The following LPIN1 variants were observed in gnomAD, a reference collection of about 807,000 sequenced individuals.
LPIN1 encodes the protein lipin 1.
Under a neutral mutation model 107.5 loss-of-function variants are expected in LPIN1, and 71 were observed. That is an observed-to-expected ratio of 0.66 (90% CI 0.55 to 0.80). LPIN1 has a LOEUF of 0.80. Among genes scored for constraint, LPIN1 ranks in the 30% least tolerant of loss-of-function variants. The probability of loss-of-function intolerance (pLI) is 0.00; values close to 1 mark genes in which losing one functional copy is unlikely to be tolerated. For missense variants in LPIN1, 1,043 were observed against 1,160.6 expected, an observed-to-expected ratio of 0.90 and a Z score of 1.47; for synonymous variants, 445 against 452.6, an observed-to-expected ratio of 0.98 and a Z score of 0.21.
At chr2:11,773,872 T>G in intron 5 of LPIN1, 127 bp downstream of exon 5, 3 of 1,068,296 alleles carry the variant, frequency 2.8e-6, no homozygotes, top group Non-Finnish European at 2.8e-6. Flanking sequence ...AAACACGGTG[T>G]AGAGTCGGAG....
chr2:11,788,878 A>C (rs1181150177), intron 12 of LPIN1, among the ~76,000 whole-genome samples: 1 of 152,206 alleles, frequency 6.6e-6, no homozygotes, highest in Non-Finnish European at 1.5e-5. Context: ...CTGCTCAGCC[A>C]GGAAGCCAGC....
chr2:11,719,103 T>C (rs895898296), intron 2 of LPIN1, among the ~76,000 whole-genome samples: 2 of 152,230 alleles, frequency 1.3e-5, no homozygotes, highest in Non-Finnish European at 2.9e-5. Context: ...TTATTCTGTT[T>C]TTGTTTTATG....
chr2:11,798,551 T>A (rs761364375), intron 14 of LPIN1, among the ~76,000 whole-genome samples: 2 of 152,092 alleles, frequency 1.3e-5, no homozygotes, highest in Non-Finnish European at 2.9e-5. Context: ...CATATTCAAA[T>A]GGGGCAAAAA....
Position 11,765,828 on chromosome 2 carries a change from G to A in LPIN1, c.192+95G>A. On this transcript the variant is annotated intron_variant, in intron 2 of 20. Transcript: ENST00000674199. This position sits in a 1 kb window ranked among gnomAD's most constrained non-coding sequence, Gnocchi z 4.4. ...CACCTGTCTTGAACTCTCAGACCCA[G>A]AGTTTTAGGTCTTCGTTGGAAATGG... The A allele has an allele frequency of 2.7e-6, 3 of 1,106,522 alleles. No individual in the cohort carries two copies. The highest frequency in any genetic ancestry group is 3.9e-6 in the Non-Finnish European group (3 of 773,016). The allele number at this position is 1,106,522 out of a possible 1,614,324, so 68.5% of individuals were successfully genotyped here.
chr2:11,681,754 C>G (rs907083793), intron 1 of LPIN1, among the ~76,000 whole-genome samples: 5 of 152,166 alleles, frequency 3.3e-5, no homozygotes, highest in East Asian at 1.9e-4. Flanking sequence ...TTTGTCACCT[C>G]CAGTCCATGT....
chr2:11,717,819 C>G (rs1572387190), intron 2 of LPIN1, among the ~76,000 whole-genome samples: 1 of 152,174 alleles, frequency 6.6e-6, no homozygotes, highest in Admixed American at 6.5e-5. Flanking sequence ...GAGGCTGAGT[C>G]ATTTGCTCAA....
At position 11,798,360 on chromosome 2, in the gene LPIN1, G is replaced by A. The variant is rs147968824; in HGVS notation, c.1886+2873G>A. Among the ~76,000 whole-genome samples the A allele has an allele frequency of 6.6e-3, 1,003 of 152,280 alleles. 39 individuals are homozygous for A. Among genetic ancestry groups the A allele is most frequent in the Admixed American group, 0.049 (751 of 15,300 alleles). On this transcript the variant is annotated intron_variant, in intron 14 of 20. Coordinates refer to ENST00000674199, the MANE Select transcript of LPIN1 (RefSeq NM_001349206.2). ...CAACTGGGAGGGGCCCGTACACAGT[G>A]GGCACAGTGGCATTGCTGGTGCCAG...
upstream of LPIN1, among the ~76,000 whole-genome samples, chr2:11,744,071 A>G (rs1666638824): frequency 6.6e-6 from 1 of 152,196 alleles, no homozygotes; most frequent in Non-Finnish European, 1.5e-5. Context: ...CCTGCAGCCC[A>G]TTTCCTGGAT....
At chr2:11,797,478 C>T (rs996928792) in intron 14 of LPIN1, among the ~76,000 whole-genome samples, 4 of 152,188 alleles carry the variant, frequency 2.6e-5, no homozygotes, top group African/African-American at 9.7e-5. Context: ...TCCATCCTGC[C>T]CTCTGGCAGT....
chr2:11,734,861 T>C (rs569651129), intron 1 of LPIN1, among the ~76,000 whole-genome samples: 1 of 152,228 alleles, frequency 6.6e-6, no homozygotes, highest in East Asian at 1.9e-4. Context: ...CTTTCCCTTA[T>C]TGCATGAGAG....
intron 18 of LPIN1, chr2:11,817,452 C>T (rs1680758885): frequency 6.6e-6 from 1 of 152,186 alleles, no homozygotes; most frequent in Admixed American, 6.5e-5. Flanking sequence ...TTGTGTATTA[C>T]CAAAGTCTTC....
At chr2:11,752,284 T>C (rs556053781) in intron 1 of LPIN1, among the ~76,000 whole-genome samples, 1 of 152,296 alleles carries the variant, frequency 6.6e-6, no homozygotes, top group African/African-American at 2.4e-5. Flanking sequence ...TTTAATGAAA[T>C]GCTTTGATTT....
In LPIN1 at chr2:11,765,846, G is replaced by A; in HGVS notation, c.192+113G>A. 2 of 886,572 alleles carry A rather than the reference G, an allele frequency of 2.3e-6. No individual in the cohort carries two copies. The highest frequency in any genetic ancestry group is 3.4e-6 in the Non-Finnish European group (2 of 585,406). The allele number at this position is 886,572 out of a possible 1,614,324, so 54.9% of individuals were successfully genotyped here. A position where few individuals can be genotyped will look rare whatever the true frequency, so the allele number is the denominator to read the frequency against. On this transcript the variant is annotated intron_variant, in intron 2 of 20. Transcript: ENST00000674199. The surrounding 1 kb of genome is among the most constrained non-coding windows in gnomAD (Gnocchi z 4.4). The stretch of plus-strand genomic sequence containing the variant: ...AGACCCAGAGTTTTAGGTCTTCGTT[G>A]GAAATGGCCAGTCACGGAACTGACA...
chr2:11,759,844 G>T, intron 1 of LPIN1, among the ~76,000 whole-genome samples: 2 of 151,882 alleles, frequency 1.3e-5, no homozygotes, highest in South Asian at 4.1e-4. Context: ...GGACGGGGCG[G>T]CTGGCCGGGC....
At chr2:11,795,960 G>A (rs1406121120) in intron 14 of LPIN1, among the ~76,000 whole-genome samples, 1 of 152,196 alleles carries the variant, frequency 6.6e-6, no homozygotes, top group Non-Finnish European at 1.5e-5. Flanking sequence ...CATAGGAGAG[G>A]TTAGATTTTG....
chr2:11,808,520 G>C (rs540884718), intron 17 of LPIN1, among the ~76,000 whole-genome samples: 2 of 152,258 alleles, frequency 1.3e-5, no homozygotes, highest in East Asian at 3.9e-4. Context: ...TCCTGATTTT[G>C]CTTCCCTTAA....
upstream of LPIN1, chr2:11,677,547 G>A (rs1015166500): frequency 1.2e-6 from 1 of 862,780 alleles, no homozygotes; most frequent in African/African-American, 1.6e-5. Flanking sequence ...AGGCTCCAGT[G>A]TCACCCAGCC....
At chr2:11,807,678 C>G (rs1386894553) in intron 17 of LPIN1, among the ~76,000 whole-genome samples, 2 of 152,082 alleles carry the variant, frequency 1.3e-5, no homozygotes, top group Non-Finnish European at 2.9e-5. Flanking sequence ...GCAGATACTG[C>G]CCGGAGCATG....
intron 1 of LPIN1, chr2:11,683,153 T>C (rs935146927): frequency 2.6e-5 from 4 of 152,172 alleles, no homozygotes; most frequent in Non-Finnish European, 5.9e-5. Context: ...AAATGGATTA[T>C]GTGACTCCAC....
Sources: allele counts gnomAD v4.1 joint callset (sites outside exome capture counted in the v4.1 genomes callset), GRCh38; gene constraint gnomAD v4.1.1; non-coding constraint Gnocchi (gnomAD v3.1); transcripts MANE v1.5; gene names NCBI Gene and HGNC (gene_info 2026-07-23, HGNC 2026-07-21).